Variants in MAGI2 observed in about 807,000 individuals in gnomAD.
The protein encoded by MAGI2 is membrane-associated guanylate kinase, WW and PDZ domain-containing protein 2.
In MAGI2, 35 loss-of-function variants were observed where a neutral mutation model predicts 133.3. The ratio of observed to expected loss-of-function variants is 0.26; its 90% CI spans 0.20 to 0.35. The LOEUF (loss-of-function observed/expected upper bound fraction) is 0.35, where lower values mean the gene tolerates loss of function less well. Ranked by LOEUF, MAGI2 falls within the 10% of genes least tolerant of loss-of-function variation. The pLI, the probability that MAGI2 is intolerant of heterozygous loss-of-function variation, is 1.00. For missense variants in MAGI2, 1,636 were observed against 1,863.4 expected, an observed-to-expected ratio of 0.88 and a Z score of 2.25; for synonymous variants, 729 against 710.6, an observed-to-expected ratio of 1.03 and a Z score of -0.41.
At chr7:79,012,872 G>A (rs1442265704) in intron 1 of MAGI2, among the ~76,000 whole-genome samples, 7 of 152,082 alleles carry the variant, frequency 4.6e-5, no homozygotes, top group African/African-American at 1.4e-4. Flanking sequence ...CACTCTTCCC[G>A]GCTTGCAAAT....
At chr7:78,118,320 G>T (rs968786920) in intron 20 of MAGI2, among the ~76,000 whole-genome samples, 2 of 151,962 alleles carry the variant, frequency 1.3e-5, no homozygotes, top group African/African-American at 2.4e-5. Flanking sequence ...GACACAAAAG[G>T]CATAATCTAT....
chr7:78,758,595 T>C (rs1457621397), intron 2 of MAGI2, among the ~76,000 whole-genome samples: 1 of 152,228 alleles, frequency 6.6e-6, no homozygotes, highest in African/African-American at 2.4e-5. Context: ...CACATCTGTG[T>C]GAGAAGAAAC....
intron 1 of MAGI2, among the ~76,000 whole-genome samples, chr7:79,355,873 A>C (rs1356974462): frequency 6.6e-6 from 1 of 152,226 alleles, no homozygotes; most frequent in Non-Finnish European, 1.5e-5. Context: ...TTTGAAAGAG[A>C]CAATTAACAT....
intron 1 of MAGI2, among the ~76,000 whole-genome samples, chr7:79,428,921 AC>A (rs1847584315): frequency 6.6e-6 from 1 of 152,086 alleles, no homozygotes; most frequent in African/African-American, 2.4e-5. Flanking sequence ...TTTAGATAGC[AC>A]TTTGGATTTG....
chr7:78,892,792 G>T (rs373524898), intron 2 of MAGI2, among the ~76,000 whole-genome samples: 4,433 of 152,162 alleles, frequency 0.029, 81 homozygotes, highest in Middle Eastern at 0.051. Flanking sequence ...GAAAACCTAG[G>T]CATTACCATT....
chr7:79,344,966 T>C (rs1478535193), intron 1 of MAGI2, among the ~76,000 whole-genome samples: 1 of 152,060 alleles, frequency 6.6e-6, no homozygotes, highest in African/African-American at 2.4e-5. Context: ...TGGGTAACTA[T>C]GAGAGACAAA....
At chr7:78,737,632 G>A (rs1585242956) in intron 2 of MAGI2, among the ~76,000 whole-genome samples, 5 of 152,208 alleles carry the variant, frequency 3.3e-5, no homozygotes, top group Admixed American at 3.3e-4. Context: ...TGAGAATCCA[G>A]CTGTCTTCTA....
At chr7:78,074,297 C>G (rs1815042439) in intron 21 of MAGI2, among the ~76,000 whole-genome samples, 1 of 152,084 alleles carries the variant, frequency 6.6e-6, no homozygotes, top group Non-Finnish European at 1.5e-5. Context: ...GGTATTTTTT[C>G]AATTGTACCT....
chr7:78,459,621 T>G (rs773117719), intron 6 of MAGI2, among the ~76,000 whole-genome samples: 7 of 152,260 alleles, frequency 4.6e-5, no homozygotes, highest in African/African-American at 7.2e-5. Flanking sequence ...TTTAATTAAG[T>G]GTGCAATGAA....
chr7:78,778,145 A>T (rs1325242018), intron 2 of MAGI2, among the ~76,000 whole-genome samples: 1 of 152,200 alleles, frequency 6.6e-6, no homozygotes, highest in Non-Finnish European at 1.5e-5. Flanking sequence ...ATGCTTTTCC[A>T]TAATCCTTCA....
At chr7:79,038,303 C>G (rs1371182699) in intron 1 of MAGI2, among the ~76,000 whole-genome samples, 2 of 152,132 alleles carry the variant, frequency 1.3e-5, no homozygotes, top group Admixed American at 6.5e-5. Context: ...TTCCTCCAAA[C>G]AAGCTGAGAG....
intron 7 of MAGI2, among the ~76,000 whole-genome samples, chr7:78,350,713 T>C (rs1791415455): frequency 6.6e-6 from 1 of 152,116 alleles, no homozygotes; most frequent in Non-Finnish European, 1.5e-5. Context: ...CCAGGTCCTG[T>C]TTGCCTGCCA....
intron 3 of MAGI2, among the ~76,000 whole-genome samples, chr7:78,563,962 G>A (rs530125748): frequency 5.6e-4 from 85 of 152,276 alleles, no homozygotes; most frequent in African/African-American, 1.9e-3. Flanking sequence ...AATTGGATTA[G>A]ATCAAAGTCA....
intron 13 of MAGI2, among the ~76,000 whole-genome samples, chr7:78,183,117 A>G (rs1202397157): frequency 2.0e-5 from 3 of 152,180 alleles, no homozygotes; most frequent in Non-Finnish European, 2.9e-5. Flanking sequence ...TCTGTACCTA[A>G]GGATCTTATG....
chr7:79,212,808 C>T (rs1049728974), intron 1 of MAGI2, among the ~76,000 whole-genome samples: 3 of 151,976 alleles, frequency 2.0e-5, no homozygotes, highest in Admixed American at 6.5e-5. Flanking sequence ...CAAAACAAAA[C>T]AAAACAAAAC....
intron 16 of MAGI2, among the ~76,000 whole-genome samples, chr7:78,137,765 T>G (rs1383120798): frequency 6.6e-6 from 1 of 152,068 alleles, no homozygotes; most frequent in African/African-American, 2.4e-5. Flanking sequence ...CTTGTAAGAG[T>G]TTATTATTCA....
chr7:78,096,646 C>T (rs1817717201), intron 20 of MAGI2, among the ~76,000 whole-genome samples: 1 of 152,054 alleles, frequency 6.6e-6, no homozygotes, highest in African/African-American at 2.4e-5. Context: ...TTTTAAGTAA[C>T]ATTTTATTGG....
chr7:78,218,910 T>C (rs553624491), intron 10 of MAGI2, among the ~76,000 whole-genome samples: 2 of 152,318 alleles, frequency 1.3e-5, no homozygotes, highest in Non-Finnish European at 2.9e-5. Flanking sequence ...CACCTGCTCA[T>C]ACCGAACCTG....
Position 79,203,444 on chromosome 7 carries a change from T to C in MAGI2, c.302-196238A>G, listed in dbSNP as rs1479735926. Among the ~76,000 whole-genome samples the C allele has an allele frequency of 2.0e-5, 3 of 152,026 alleles. No homozygotes were observed. In the East Asian group the frequency reaches 5.8e-4, roughly 29 times the overall value. The stretch of plus-strand genomic sequence containing the variant: ...TTACCTTTTAATCCTCCTTCCTCTC[T>C]AGTGTTCAGAAATGCCAACAAATAA... On this transcript the variant is annotated intron_variant, in intron 1 of 21. Coordinates refer to ENST00000354212, the MANE Select transcript of MAGI2 (RefSeq NM_012301.4).
Sources: allele counts gnomAD v4.1 joint callset (sites outside exome capture counted in the v4.1 genomes callset), GRCh38; gene constraint gnomAD v4.1.1; transcripts MANE v1.5; gene names NCBI Gene and HGNC (gene_info 2026-07-23, HGNC 2026-07-21).